ACAA1: variants seen among roughly 807,000 people sequenced by gnomAD.
ACAA1 encodes 3-ketoacyl-CoA thiolase, peroxisomal.
ACAA1 carries 44 observed loss-of-function variants against 48.8 expected under a neutral mutation model. The ratio of observed to expected loss-of-function variants is 0.90; its 90% CI spans 0.71 to 1.16. ACAA1 has a LOEUF of 1.16. ACAA1 is among the 50% of genes most tolerant of loss of function. The pLI is 0.00. For missense variants in ACAA1, 512 were observed against 562.3 expected (o/e 0.91, Z 0.90); for synonymous variants, 233 against 226.5 (o/e 1.03, Z -0.26).
rs766732536 is a variant in ACAA1, at chr3:38,125,724, GATC to G, written c.1054-17_1054-15del. The stretch of plus-strand genomic sequence containing the variant: ...ACAGTAGGCAGCCTGGAAGGAGGCA[GATC>G]ATCACCTATAGCCCTCTTACCCCTC... On this transcript the variant is annotated splice_polypyrimidine_tract_variant and intron_variant, in intron 10 of 11. Transcript: ENST00000333167. The G allele has an allele frequency of 5.4e-5, 87 of 1,611,652 alleles. No homozygotes were observed. Among genetic ancestry groups the G allele is most frequent in the Non-Finnish European group, 7.2e-5 (85 of 1,178,390 alleles).
At chr3:38,130,208 G>C (rs140146594) in intron 5 of ACAA1, among the ~76,000 whole-genome samples, 2 of 152,334 alleles carry the variant, frequency 1.3e-5, no homozygotes, top group Non-Finnish European at 2.9e-5. Context: ...CACCTCAAGG[G>C]ATGATAACAG....
intron 11 of ACAA1, chr3:38,124,537 G>C (rs1319256092): frequency 6.6e-6 from 1 of 152,202 alleles, no homozygotes; most frequent in African/African-American, 2.4e-5. Context: ...AGTCAGGGAA[G>C]CAGAGGTTGC....
chr3:38,125,789 T>C, intron 10 of ACAA1, 37 bp downstream of exon 10: 1 of 1,614,154 alleles, frequency 6.2e-7, no homozygotes, highest in East Asian at 2.2e-5. Context: ...ACCTCGGCTG[T>C]CCAGGGCAAA....
At position 38,122,956 on chromosome 3, in the gene ACAA1, T is replaced by G; in HGVS notation, c.*91A>C. 7.4e-7 allele frequency: 1 copy of G among 1,349,300 alleles called. No homozygotes were observed. Among genetic ancestry groups the G allele is most frequent in the Non-Finnish European group, 1.1e-6 (1 of 949,562 alleles). The allele number at this position is 1,349,300 out of a possible 1,614,324, so 83.6% of individuals were successfully genotyped here. A position where few individuals can be genotyped will look rare whatever the true frequency, so the allele number is the denominator to read the frequency against. On this transcript the variant is annotated 3_prime_UTR_variant, in exon 12 of 12. Transcript: ENST00000333167. ...CACTGCCACCACCACCAGTGCTGAG[T>G]TTTCCCATGTGGTTTTGCTTTTGTG... is the stretch of plus-strand genomic sequence containing the variant.
At chr3:38,124,810 C>G (rs990885419) in intron 11 of ACAA1, 2 of 152,106 alleles carry the variant, frequency 1.3e-5, no homozygotes, top group Non-Finnish European at 2.9e-5. Flanking sequence ...TTCTGATGTC[C>G]AAGGCAGAAA....
chr3:38,136,810 C>T (rs1201050148), intron 1 of ACAA1, 55 bp downstream of exon 1: 6 of 1,486,532 alleles, frequency 4.0e-6, no homozygotes, highest in Non-Finnish European at 4.4e-6. Context: ...ACGAACCGGA[C>T]CCCAGCCCGC....
intron 2 of ACAA1, among the ~76,000 whole-genome samples, chr3:38,135,805 C>A (rs1421129222): frequency 6.6e-6 from 1 of 152,108 alleles, no homozygotes; most frequent in Admixed American, 6.6e-5. Context: ...CTCCTCAGCA[C>A]CGACCCTTTA....
intron 11 of ACAA1, chr3:38,125,333 T>C (rs1575257760): frequency 2.5e-6 from 1 of 400,776 alleles, no homozygotes; most frequent in Non-Finnish European, 4.3e-6. Context: ...GGGTAAAGAG[T>C]AGAACATGGA....
chr3:38,125,094 G>A (rs1700647454), intron 11 of ACAA1: 1 of 152,502 alleles, frequency 6.6e-6, no homozygotes, highest in Non-Finnish European at 1.5e-5. Context: ...TTCAAATAAA[G>A]ACAATAACAA....
intron 2 of ACAA1, among the ~76,000 whole-genome samples, chr3:38,136,166 A>C (rs958716829): frequency 1.3e-5 from 2 of 152,232 alleles, no homozygotes; most frequent in African/African-American, 2.4e-5. Flanking sequence ...GTTGGGGCTA[A>C]GGCTACAGAT....
At chr3:38,132,121 A>C (rs942057794) in intron 3 of ACAA1, 116 bp from the exon 4 acceptor site, 4 of 868,866 alleles carry the variant, frequency 4.6e-6, no homozygotes, top group African/African-American at 3.3e-5. Flanking sequence ...CAGGGGAACA[A>C]ACCCAGCAGC....
At position 38,126,023 on chromosome 3, in the gene ACAA1, C is replaced by T; in HGVS notation, c.997+139G>A. On this transcript the variant is annotated intron_variant, in intron 9 of 11. Transcript: ENST00000333167. This position sits in a 1 kb window ranked among gnomAD's most constrained non-coding sequence, Gnocchi z 4.7. ...ATCCCAGCTGTGGGGTCAGGAAGGG[C>T]TTGAAGTATGGGACACTAGCCTGCC... is the stretch of plus-strand genomic sequence containing the variant. The T allele has an allele frequency of 6.8e-7, 1 of 1,469,852 alleles. No individual in the cohort carries two copies. Among genetic ancestry groups the T allele is most frequent in the Non-Finnish European group, 9.4e-7 (1 of 1,067,490 alleles). 91.1% of individuals were successfully genotyped at this position (1,469,852 alleles called of 1,614,324 possible). A position where few individuals can be genotyped will look rare whatever the true frequency, so the allele number is the denominator to read the frequency against.
chr3:38,134,546 T>C (rs1280956553), intron 2 of ACAA1: 4 of 455,574 alleles, frequency 8.8e-6, no homozygotes, highest in African/African-American at 2.0e-5. Context: ...AGAAACTCCA[T>C]GTTGATCTGT....
chr3:38,130,108 G>A (rs1431736270), intron 5 of ACAA1, among the ~76,000 whole-genome samples: 5 of 152,226 alleles, frequency 3.3e-5, no homozygotes, highest in African/African-American at 1.2e-4. Flanking sequence ...ATTCAGACCT[G>A]CATAGACAAG....
rs569641244 is a variant in ACAA1, at chr3:38,126,056, C to T, written c.997+106G>A. Reference sequence around the variant, plus strand: ...ATGGGACACTAGCCTGCCCCACCTCCACTCTGCAGCACCCACAGGACCACC... The same window carrying T: ...ATGGGACACTAGCCTGCCCCACCTCTACTCTGCAGCACCCACAGGACCACC... On this transcript the variant is annotated intron_variant, in intron 9 of 11. Transcript: ENST00000333167. The surrounding 1 kb of genome is among the most constrained non-coding windows in gnomAD (Gnocchi z 4.7). The T allele has an allele frequency of 1.4e-6, 2 of 1,466,236 alleles. No individual in the cohort carries two copies. The highest frequency in any genetic ancestry group is 3.8e-5 in the Admixed American group (2 of 53,128). The allele number at this position is 1,466,236 out of a possible 1,614,324, so 90.8% of individuals were successfully genotyped here.
In ACAA1 at chr3:38,136,880, GC is replaced by G. The variant is rs1700914045; in HGVS notation, c.155del (p.Gly52AlafsTer18). 5 of 1,525,466 alleles carry G rather than the reference GC, an allele frequency of 3.3e-6. No homozygotes were observed. The highest frequency in any genetic ancestry group is 4.4e-6 in the Non-Finnish European group (5 of 1,141,612). The allele number at this position is 1,525,466 out of a possible 1,614,324, so 94.5% of individuals were successfully genotyped here. ...HGRRTAICRA[G>X]RGGFKDTTPD... ...CGGGCCTCACCTTGAAGCCGCCGCG[GC>G]CCGCCCGGCAGATGGCCGTGCGCCG... On this transcript the variant is annotated frameshift_variant, in exon 1 of 12. Transcript: ENST00000333167. LOFTEE classifies it high-confidence loss of function.
At chr3:38,125,347 T>C in intron 11 of ACAA1, 1 of 429,670 alleles carries the variant, frequency 2.3e-6, no homozygotes, top group South Asian at 1.1e-4. Context: ...ACATGGAGTT[T>C]GATCTGTAAC....
At chr3:38,125,523 G>T (rs779142207) in intron 11 of ACAA1, 42 bp downstream of exon 11, 13 of 1,509,870 alleles carry the variant, frequency 8.6e-6, no homozygotes, top group Non-Finnish European at 1.2e-5. Flanking sequence ...GCCCTAACTT[G>T]GATATCCCCC....
chr3:38,133,610 A>C, intron 3 of ACAA1: 1 of 300,252 alleles, frequency 3.3e-6, no homozygotes, highest in African/African-American at 2.2e-5. Context: ...CAGCTCAACT[A>C]GTAAAAAGGC....
Sources: gnomAD v4.1 joint callset for allele counts (sites outside exome capture counted in the v4.1 genomes callset) on GRCh38, gnomAD v4.1.1 for gene constraint, Gnocchi (gnomAD v3.1) non-coding constraint, MANE v1.5 for transcripts, NCBI Gene and HGNC (gene_info 2026-07-23, HGNC 2026-07-21) for gene names.